Variants in GLDC observed in about 807,000 individuals in gnomAD.
GLDC encodes glycine dehydrogenase (decarboxylating), mitochondrial.
A neutral mutation model predicts 121.3 loss-of-function variants in GLDC; 104 were observed. The ratio of observed to expected loss-of-function variants is 0.86; its 90% CI spans 0.73 to 1.01. The LOEUF (loss-of-function observed/expected upper bound fraction) is 1.01, where lower values mean the gene tolerates loss of function less well. Ranked by LOEUF, GLDC falls within the 50% of genes least tolerant of loss-of-function variation. The pLI, the probability that GLDC is intolerant of heterozygous loss-of-function variation, is 0.00. For missense variants in GLDC, 1,429 were observed against 1,306.6 expected, an observed-to-expected ratio of 1.09 and a Z score of -1.44; for synonymous variants, 546 against 480.6, an observed-to-expected ratio of 1.14 and a Z score of -1.78.
intron 15 of GLDC, among the ~76,000 whole-genome samples, chr9:6,573,475 T>C (rs527748956): frequency 6.6e-6 from 1 of 150,674 alleles, no homozygotes; most frequent in East Asian, 2.0e-4. Context: ...AATAAATAAA[T>C]AAAAGAATAC....
intron 15 of GLDC, among the ~76,000 whole-genome samples, chr9:6,572,958 C>T (rs1189668397): frequency 6.6e-6 from 1 of 152,160 alleles, no homozygotes; most frequent in African/African-American, 2.4e-5. Context: ...CTGCAGCCAC[C>T]CGGGAGTTTC....
At chr9:6,617,756 C>T (rs777987268) in intron 3 of GLDC, among the ~76,000 whole-genome samples, 2 of 152,214 alleles carry the variant, frequency 1.3e-5, no homozygotes, top group Non-Finnish European at 2.9e-5. Flanking sequence ...CGACAAAGCA[C>T]ATGCACCCAC....
At chr9:6,593,576 A>T (rs1242003938) in intron 9 of GLDC, among the ~76,000 whole-genome samples, 2 of 152,098 alleles carry the variant, frequency 1.3e-5, no homozygotes, top group Non-Finnish European at 2.9e-5. Flanking sequence ...CGATGGGATT[A>T]TAGGTGTGAA....
intron 15 of GLDC, chr9:6,565,831 T>G (rs1307171366): frequency 7.5e-6 from 3 of 401,694 alleles, no homozygotes; most frequent in Non-Finnish European, 1.3e-5. Flanking sequence ...TGTTTCCTAT[T>G]ATATTTCTCA....
At chr9:6,628,873 A>G (rs1403352472) in intron 2 of GLDC, among the ~76,000 whole-genome samples, 1 of 152,188 alleles carries the variant, frequency 6.6e-6, no homozygotes, top group African/African-American at 2.4e-5. Flanking sequence ...TCAGGAACCT[A>G]CACAGTAAAT....
chr9:6,573,043 C>T (rs1254842364), intron 15 of GLDC, among the ~76,000 whole-genome samples: 2 of 152,136 alleles, frequency 1.3e-5, no homozygotes, highest in Non-Finnish European at 1.5e-5. Flanking sequence ...CAAATTATTC[C>T]TCTGGATCCC....
chr9:6,613,474 G>T (rs965971492), intron 3 of GLDC, among the ~76,000 whole-genome samples: 8 of 152,060 alleles, frequency 5.3e-5, no homozygotes, highest in African/African-American at 1.4e-4. Context: ...AAAAATAAAA[G>T]AAGTTTTTGT....
chr9:6,554,671 T>A lies in GLDC; in HGVS notation c.2313A>T (p.Gly771=), dbSNP rs777041727. The change falls in exon 19 of 25, where the codon GGA becomes GGT. Residue 771 remains glycine (G), a splice_region_variant and synonymous_variant. Coordinates refer to ENST00000321612, the MANE Select transcript of GLDC (RefSeq NM_000170.3). ...GAAACCAGCAGCCCAGAACTTACAC[T>A]CCGATGGGCCCCATGCCAGGACCAC... ...GGGGPGMGPI[G]VKKHLAPFLP... 1.3e-5 allele frequency: 21 copies of A among 1,606,430 alleles called. No homozygotes were observed. The South Asian group carries it at 2.1e-4, about 16-fold the overall frequency.
intron 2 of GLDC, among the ~76,000 whole-genome samples, chr9:6,627,066 C>T (rs957237846): frequency 2.6e-5 from 4 of 151,980 alleles, no homozygotes; most frequent in African/African-American, 7.3e-5. Flanking sequence ...GAGGCTGAGG[C>T]GGGTGGATCA....
intron 2 of GLDC, among the ~76,000 whole-genome samples, chr9:6,636,929 C>A (rs1366737601): frequency 6.6e-6 from 1 of 151,374 alleles, no homozygotes; most frequent in Non-Finnish European, 1.5e-5. Flanking sequence ...ACTAAAAATA[C>A]AAAAATTAGC....
At chr9:6,569,707 C>A (rs1817917261) in intron 15 of GLDC, among the ~76,000 whole-genome samples, 1 of 150,764 alleles carries the variant, frequency 6.6e-6, no homozygotes, top group South Asian at 2.1e-4. Flanking sequence ...GTGCCTCATG[C>A]CTGCATGCCT....
At chr9:6,539,125 A>G (rs1482115585) in intron 22 of GLDC, among the ~76,000 whole-genome samples, 1 of 152,076 alleles carries the variant, frequency 6.6e-6, no homozygotes, top group African/African-American at 2.4e-5. Context: ...GTTCTCCCCA[A>G]CTTAGCCTTT....
At chr9:6,611,609 G>T (rs7035933) in intron 3 of GLDC, among the ~76,000 whole-genome samples, 34,053 of 151,460 alleles carry the variant, frequency 0.22, 4,056 homozygotes, top group East Asian at 0.45. Context: ...CAGCAAATAT[G>T]TTTTACAGCA....
Position 6,540,115 on chromosome 9 carries a change from C to A in GLDC, c.2601G>T (p.Thr867=), listed in dbSNP as rs371678175. ...GYVGHEFILD[T]RPFKKSANIE... ...TATTTGCAGACTTTTTGAAGGGTCT[C>A]GTGTCCAAAATAAATTCATGACCCA... The change falls in exon 22 of 25, where the codon ACG becomes ACT. Residue 867 remains threonine (T), a synonymous_variant. Coordinates refer to ENST00000321612, the MANE Select transcript of GLDC (RefSeq NM_000170.3). 3.1e-6 allele frequency: 5 copies of A among 1,612,812 alleles called. No individual in the cohort carries two copies. The highest frequency in any genetic ancestry group is 4.2e-6 in the Non-Finnish European group (5 of 1,178,958).
chr9:6,589,384 C>G, intron 11 of GLDC, 92 bp from the exon 12 acceptor site: 1 of 734,352 alleles, frequency 1.4e-6, no homozygotes. Context: ...CCACAAAGCA[C>G]TCAAAATGGA....
At chr9:6,624,807 G>A (rs1386331987) in intron 2 of GLDC, among the ~76,000 whole-genome samples, 2 of 152,014 alleles carry the variant, frequency 1.3e-5, no homozygotes, top group Admixed American at 6.6e-5. Context: ...GGCCAACATG[G>A]TGAAACCCTG....
chr9:6,581,726 G>C (rs548855719), intron 15 of GLDC, among the ~76,000 whole-genome samples: 167 of 152,280 alleles, frequency 1.1e-3, no homozygotes, highest in African/African-American at 3.8e-3. Context: ...AGTGGATAAA[G>C]GTTAGACTAT....
At chr9:6,601,258 C>A (rs548198103) in intron 8 of GLDC, among the ~76,000 whole-genome samples, 2 of 152,280 alleles carry the variant, frequency 1.3e-5, no homozygotes, top group South Asian at 4.1e-4. Flanking sequence ...ACAGTCATCA[C>A]AAATGCCCTT....
intron 2 of GLDC, among the ~76,000 whole-genome samples, chr9:6,626,696 C>A (rs1022351451): frequency 6.6e-6 from 1 of 152,164 alleles, no homozygotes; most frequent in Non-Finnish European, 1.5e-5. Context: ...CAAGAAAACC[C>A]ATTCTCTCAT....
Sources: gnomAD v4.1 joint callset for allele counts (sites outside exome capture counted in the v4.1 genomes callset) on GRCh38, gnomAD v4.1.1 for gene constraint, MANE v1.5 for transcripts, NCBI Gene and HGNC (gene_info 2026-07-23, HGNC 2026-07-21) for gene names.